Variants in SSBP2 observed in about 807,000 individuals in gnomAD.
SSBP2 encodes the protein single-stranded DNA-binding protein 2.
A neutral mutation model predicts 61.8 loss-of-function variants in SSBP2; 17 were observed. That is an observed-to-expected ratio of 0.28 (90% CI 0.19 to 0.41). The LOEUF is 0.41. SSBP2 is among the 10% of genes least tolerant of loss of function. The pLI is 1.00. For missense variants in SSBP2, 310 were observed against 458.7 expected (o/e 0.68, Z 2.96); for synonymous variants, 139 against 141.3 (o/e 0.98, Z 0.12).
At chr5:81,745,516 A>G (rs910297701) in intron 1 of SSBP2, among the ~76,000 whole-genome samples, 1 of 152,114 alleles carries the variant, frequency 6.6e-6, no homozygotes, top group Non-Finnish European at 1.5e-5. Flanking sequence ...TTTCAGAAAC[A>G]GTAAGTTCTT....
At chr5:81,751,351 C>A (rs965295450), upstream of SSBP2, 2 of 502,914 alleles carry the variant, frequency 4.0e-6, no homozygotes, top group South Asian at 4.9e-5. Context: ...CCTTCCCCCT[C>A]CCCCCTCCGA....
intron 1 of SSBP2, among the ~76,000 whole-genome samples, chr5:81,699,541 T>C (rs1433677203): frequency 6.6e-6 from 1 of 152,226 alleles, no homozygotes; most frequent in African/African-American, 2.4e-5. Context: ...CCATTTAAGT[T>C]GTATCATGAG....
At chr5:81,540,573 C>T (rs1310284054) in intron 4 of SSBP2, among the ~76,000 whole-genome samples, 2 of 152,128 alleles carry the variant, frequency 1.3e-5, no homozygotes, top group East Asian at 3.9e-4. Flanking sequence ...ATCCTCTGCC[C>T]ACTTTTTCAT....
At chr5:81,645,648 G>A (rs1749177813) in intron 2 of SSBP2, among the ~76,000 whole-genome samples, 1 of 152,184 alleles carries the variant, frequency 6.6e-6, no homozygotes, top group Non-Finnish European at 1.5e-5. Flanking sequence ...TGAATCTAAA[G>A]TAACAAAAGT....
At chr5:81,748,534 C>A (rs912010884) in intron 1 of SSBP2, among the ~76,000 whole-genome samples, 4 of 152,108 alleles carry the variant, frequency 2.6e-5, no homozygotes, top group Non-Finnish European at 4.4e-5. Context: ...ACAGAACCTA[C>A]GTCGATGTTT....
chr5:81,501,589 G>A (rs1349959509), intron 5 of SSBP2, among the ~76,000 whole-genome samples: 1 of 128,066 alleles, frequency 7.8e-6, no homozygotes, highest in Non-Finnish European at 1.6e-5. Flanking sequence ...TTGAGATGGA[G>A]TCTCACTCTG....
intron 10 of SSBP2, among the ~76,000 whole-genome samples, chr5:81,454,723 A>G (rs1157050425): frequency 6.6e-6 from 1 of 151,948 alleles, no homozygotes; most frequent in Non-Finnish European, 1.5e-5. Context: ...AAAAAGAGAG[A>G]GAGAGAATAG....
At chr5:81,677,386 T>A (rs959019963) in intron 1 of SSBP2, among the ~76,000 whole-genome samples, 1 of 152,012 alleles carries the variant, frequency 6.6e-6, no homozygotes, top group Non-Finnish European at 1.5e-5. Flanking sequence ...GAATCACAGC[T>A]TACCATAAGA....
intron 1 of SSBP2, among the ~76,000 whole-genome samples, chr5:81,685,507 G>C (rs1465270410): frequency 6.6e-6 from 1 of 151,886 alleles, no homozygotes; most frequent in South Asian, 2.1e-4. Context: ...ACTCAATTTT[G>C]CTCTGAACTT....
chr5:81,461,073 G>A lies in SSBP2; in HGVS notation c.669C>T (p.Asn223=), dbSNP rs1292562102. The change falls in exon 10 of 17, where the codon AAC becomes AAT. Residue 223 remains asparagine (N), a synonymous_variant. Coordinates refer to ENST00000320672, the MANE Select transcript of SSBP2 (RefSeq NM_012446.5). ...TACTCACTGAATTGGCATTTGTTGG[G>A]TTTGGCCAAGGTCTACCACCACCTG... The A allele has an allele frequency of 3.2e-6, 5 of 1,579,052 alleles. No individual in the cohort carries two copies. Among genetic ancestry groups the A allele is most frequent in the East Asian group, 2.3e-5 (1 of 43,760 alleles).
intron 4 of SSBP2, among the ~76,000 whole-genome samples, chr5:81,578,778 C>G (rs1561560036): frequency 6.6e-6 from 1 of 151,764 alleles, no homozygotes. Context: ...CTATAGATCT[C>G]TTCATTTTTT....
chr5:81,545,999 T>C (rs757884453), intron 4 of SSBP2, among the ~76,000 whole-genome samples: 7 of 152,236 alleles, frequency 4.6e-5, no homozygotes, highest in African/African-American at 1.4e-4. Context: ...CACAAGCTGG[T>C]TGATCAGATG....
chr5:81,733,227 C>A (rs551659611), intron 1 of SSBP2, among the ~76,000 whole-genome samples: 25 of 152,068 alleles, frequency 1.6e-4, no homozygotes, highest in Non-Finnish European at 2.1e-4. Flanking sequence ...AAGGCTCCAA[C>A]AATCTCAGGA....
chr5:81,493,209 C>CAT (rs767212813), intron 5 of SSBP2, among the ~76,000 whole-genome samples: 60 of 150,988 alleles, frequency 4.0e-4, no homozygotes, highest in Non-Finnish European at 7.1e-4. Context: ...TATTCAAAAA[C>CAT]ATATATATAT....
chr5:81,712,267 T>C (rs186103575), intron 1 of SSBP2, among the ~76,000 whole-genome samples: 53 of 151,966 alleles, frequency 3.5e-4, no homozygotes, highest in African/African-American at 1.2e-3. Context: ...TGCTGGCTTA[T>C]ACCCTCCAGC....
At chr5:81,611,900 T>C (rs1003527527) in intron 4 of SSBP2, among the ~76,000 whole-genome samples, 1 of 152,102 alleles carries the variant, frequency 6.6e-6, no homozygotes, top group Non-Finnish European at 1.5e-5. Context: ...ATAAGATAAA[T>C]ACATTCTGGA....
At chr5:81,541,043 A>G (rs776138719) in intron 4 of SSBP2, among the ~76,000 whole-genome samples, 4 of 152,130 alleles carry the variant, frequency 2.6e-5, no homozygotes, top group Non-Finnish European at 5.9e-5. Context: ...AGTTTCCTGG[A>G]GCTGATAAAC....
intron 4 of SSBP2, among the ~76,000 whole-genome samples, chr5:81,529,465 T>C (rs920607846): frequency 1.3e-5 from 2 of 152,138 alleles, no homozygotes; most frequent in Admixed American, 6.6e-5. Context: ...CTCAGGTCAG[T>C]TAAGTTGGTC....
chr5:81,511,214 C>T (rs560886097), intron 5 of SSBP2, among the ~76,000 whole-genome samples: 17 of 152,270 alleles, frequency 1.1e-4, no homozygotes, highest in East Asian at 7.7e-4. Context: ...TCCCAAGATT[C>T]GGTTTGGTGG....
Sources: allele counts gnomAD v4.1 joint callset (sites outside exome capture counted in the v4.1 genomes callset), GRCh38; gene constraint gnomAD v4.1.1; transcripts MANE v1.5; gene names NCBI Gene and HGNC (gene_info 2026-07-23, HGNC 2026-07-21).